Variants in GNAI1 observed in about 807,000 individuals in gnomAD.
The protein encoded by GNAI1 is guanine nucleotide-binding protein G(i) subunit alpha-1.
A neutral mutation model predicts 38.9 loss-of-function variants in GNAI1; 11 were observed. The observed-to-expected ratio is 0.28, with a 90% CI of 0.18 to 0.47. GNAI1 has a LOEUF of 0.47. Among genes scored for constraint, GNAI1 ranks in the 20% least tolerant of loss-of-function variants. The pLI is 0.99. For synonymous variants in GNAI1, 166 were observed against 145.1 expected (o/e 1.14, Z -1.04); for missense variants, 317 against 436.9 (o/e 0.73, Z 2.45).
intron 4 of GNAI1, among the ~76,000 whole-genome samples, chr7:80,203,405 T>A (rs1788722836): frequency 6.6e-6 from 1 of 152,168 alleles, no homozygotes; most frequent in Non-Finnish European, 1.5e-5. Flanking sequence ...ATTAGCTTTT[T>A]TTTTTTAAGT....
chr7:80,210,426 C>G (rs1788852814), intron 5 of GNAI1, among the ~76,000 whole-genome samples: 1 of 152,118 alleles, frequency 6.6e-6, no homozygotes, highest in Admixed American at 6.5e-5. Context: ...ATCTGAATTT[C>G]ATTTGCTTGC....
At chr7:80,200,342 A>AAAAC (rs993492505) in intron 4 of GNAI1, among the ~76,000 whole-genome samples, 2 of 150,516 alleles carry the variant, frequency 1.3e-5, no homozygotes, top group Non-Finnish European at 3.0e-5. Flanking sequence ...AAAAAAAAAA[A>AAAAC]AAAAACCTAA....
Position 80,135,265 on chromosome 7 carries a change from G to C in GNAI1, c.105G>C (p.Lys35Asn). 10 of 1,505,004 alleles carry C rather than the reference G, an allele frequency of 6.6e-6. No homozygotes were observed. The highest frequency in any genetic ancestry group is 8.9e-6 in the Non-Finnish European group (10 of 1,124,672). 93.2% of individuals were successfully genotyped at this position (1,505,004 alleles called of 1,614,324 possible). Residue 35 changes from lysine to asparagine, a missense_variant, in exon 1 of 8, where the codon AAG (lysine) becomes AAC (asparagine). Physicochemically the swap from Lys to Asn is moderately conservative, Grantham distance 94. Transcript: ENST00000649796. Reference protein sequence around the residue: ...EDGEKAAREVKLLLLGAGESG... With the variant: ...EDGEKAAREVNLLLLGAGESG... ...GCGAGAAGGCGGCGCGCGAGGTCAA[G>C]CTGCTGCTGCTCGGTAAGGGCGGCC...
At position 80,226,010 on chromosome 7, in the gene GNAI1, A is replaced by G. The variant is rs1789151856; in HGVS notation, c.*8517A>G. 6.6e-6 allele frequency among the ~76,000 whole-genome samples: 1 copy of G among 152,200 alleles called. No individual in the cohort carries two copies. The highest frequency in any genetic ancestry group is 6.5e-5 in the Admixed American group (1 of 15,276). On this transcript the variant is annotated 3_prime_UTR_variant, in exon 8 of 8. Coordinates refer to ENST00000649796, the MANE Select transcript of GNAI1 (RefSeq NM_002069.6). ...TAATTAGTTGAAATTGTCCAGACAC[A>G]TATTTTAGAAAAGTATGTTATTTTT...
intron 1 of GNAI1, among the ~76,000 whole-genome samples, chr7:80,155,872 T>C (rs1169024425): frequency 6.6e-6 from 1 of 151,680 alleles, no homozygotes; most frequent in Non-Finnish European, 1.5e-5. Context: ...CTGGCCAATA[T>C]GGTGAAACCT....
intron 1 of GNAI1, among the ~76,000 whole-genome samples, chr7:80,171,677 A>C (rs1488443553): frequency 6.6e-6 from 1 of 152,200 alleles, no homozygotes; most frequent in Non-Finnish European, 1.5e-5. Flanking sequence ...TCAGATTATT[A>C]GATTATATCT....
chr7:80,144,203 G>T (rs1787578235), intron 1 of GNAI1, among the ~76,000 whole-genome samples: 1 of 150,874 alleles, frequency 6.6e-6, no homozygotes, highest in African/African-American at 2.4e-5. Context: ...TCCATTTTTA[G>T]AATTAGTGCA....
At chr7:80,212,569 G>A (rs1435417985) in intron 6 of GNAI1, 147 bp from the exon 7 acceptor site, 3 of 531,828 alleles carry the variant, frequency 5.6e-6, no homozygotes, top group Non-Finnish European at 9.8e-6. Context: ...AAGTGAAAGT[G>A]TGTTCTGAAA....
At chr7:80,214,985 CGGTT>C (rs981749379) in intron 7 of GNAI1, among the ~76,000 whole-genome samples, 1 of 151,986 alleles carries the variant, frequency 6.6e-6, no homozygotes, top group Non-Finnish European at 1.5e-5. Flanking sequence ...TTGGGTTGGT[CGGTT>C]GGTTGGTTGG....
In GNAI1 at chr7:80,193,863, G is replaced by T. The variant is rs185771216; in HGVS notation, c.303+4632G>T. The stretch of plus-strand genomic sequence containing the variant: ...TGCAAATGAAATAAAACACAACACC[G>T]GTTCTTCATCACAGATAGCTTGAGA... On this transcript the variant is annotated intron_variant, in intron 3 of 7. Coordinates refer to ENST00000649796, the MANE Select transcript of GNAI1 (RefSeq NM_002069.6). Among the ~76,000 whole-genome samples, 334 of 152,218 alleles carry T rather than the reference G, an allele frequency of 2.2e-3. 1 individual carries two copies. Among genetic ancestry groups the T allele is most frequent in the African/African-American group, 7.5e-3 (313 of 41,542 alleles).
chr7:80,195,650 C>G (rs927856416), intron 3 of GNAI1, among the ~76,000 whole-genome samples: 2 of 151,940 alleles, frequency 1.3e-5, no homozygotes, highest in African/African-American at 4.8e-5. Flanking sequence ...GCCCTTCATG[C>G]TAAAAACTCT....
At chr7:80,139,473 C>T (rs555237910) in intron 1 of GNAI1, among the ~76,000 whole-genome samples, 7 of 152,322 alleles carry the variant, frequency 4.6e-5, no homozygotes, top group African/African-American at 1.2e-4. Context: ...CATATTTGCA[C>T]TTGATTTCTG....
At chr7:80,153,869 T>G (rs1787770854) in intron 1 of GNAI1, among the ~76,000 whole-genome samples, 1 of 152,202 alleles carries the variant, frequency 6.6e-6, no homozygotes. Flanking sequence ...TTTACATACA[T>G]TTCTATGGAA....
intron 1 of GNAI1, among the ~76,000 whole-genome samples, chr7:80,152,421 G>T (rs986979997): frequency 6.6e-6 from 1 of 152,104 alleles, no homozygotes; most frequent in Non-Finnish European, 1.5e-5. Context: ...TACCCAACAG[G>T]TGTTTTAACT....
intron 1 of GNAI1, among the ~76,000 whole-genome samples, chr7:80,158,935 C>G (rs1787866582): frequency 1.3e-5 from 2 of 152,166 alleles, no homozygotes; most frequent in African/African-American, 4.8e-5. Flanking sequence ...CTATGGCTCA[C>G]AGTGGCGATG....
At chr7:80,175,520 G>A (rs892634807) in intron 1 of GNAI1, among the ~76,000 whole-genome samples, 3 of 143,522 alleles carry the variant, frequency 2.1e-5, no homozygotes, top group African/African-American at 7.8e-5. Context: ...TTGTATTATT[G>A]TTCTTCACTT....
At chr7:80,169,288 G>A (rs1187735238) in intron 1 of GNAI1, among the ~76,000 whole-genome samples, 1 of 152,142 alleles carries the variant, frequency 6.6e-6, no homozygotes, top group Non-Finnish European at 1.5e-5. Context: ...ACCTTTTAAC[G>A]TTTGCAAGTT....
At chr7:80,189,839 G>A (rs1037366543) in intron 3 of GNAI1, among the ~76,000 whole-genome samples, 2 of 151,894 alleles carry the variant, frequency 1.3e-5, no homozygotes, top group South Asian at 4.1e-4. Flanking sequence ...CATACAGCTC[G>A]TGGTAACCAA....
chr7:80,154,734 A>G (rs1447303512), intron 1 of GNAI1, among the ~76,000 whole-genome samples: 1 of 152,232 alleles, frequency 6.6e-6, no homozygotes, highest in African/African-American at 2.4e-5. Flanking sequence ...AGAGAAAACT[A>G]TAATGTTTTC....
Sources: allele counts gnomAD v4.1 joint callset (sites outside exome capture counted in the v4.1 genomes callset), GRCh38; gene constraint gnomAD v4.1.1; transcripts MANE v1.5; gene names NCBI Gene and HGNC (gene_info 2026-07-23, HGNC 2026-07-21).